The following STOX2 variants were observed in gnomAD, a reference collection of about 807,000 sequenced individuals.
STOX2 encodes the protein storkhead-box protein 2.
STOX2 carries 28 observed loss-of-function variants against 60.9 expected under a neutral mutation model. The ratio of observed to expected loss-of-function variants is 0.46; its 90% CI spans 0.34 to 0.63. STOX2 has a LOEUF of 0.63. Ranked by LOEUF, STOX2 falls within the 30% of genes least tolerant of loss-of-function variation. The probability of loss-of-function intolerance (pLI) is 0.01; values close to 1 mark genes in which losing one functional copy is unlikely to be tolerated. For synonymous variants in STOX2, 472 were observed against 463.9 expected (o/e 1.02, Z -0.22); for missense variants, 1,024 against 1,187.7 (o/e 0.86, Z 2.03).
intron 1 of STOX2, among the ~76,000 whole-genome samples, chr4:183,869,896 T>A (rs1740649203): frequency 6.6e-6 from 1 of 152,168 alleles, no homozygotes; most frequent in African/African-American, 2.4e-5. Context: ...TTGTACTGTA[T>A]TCTGGGCTTA....
chr4:183,944,550 C>G (rs1742836172), intron 1 of STOX2, among the ~76,000 whole-genome samples: 1 of 152,170 alleles, frequency 6.6e-6, no homozygotes, highest in Non-Finnish European at 1.5e-5. Flanking sequence ...CCCATCTTTA[C>G]TAAAGCTACA....
chr4:183,892,353 A>G (rs1741238519), intron 1 of STOX2, among the ~76,000 whole-genome samples: 3 of 152,150 alleles, frequency 2.0e-5, no homozygotes, highest in South Asian at 2.1e-4. Context: ...ATCTCGGCTC[A>G]CTGCAAGCTC....
chr4:183,930,223 T>C (rs867090512), intron 1 of STOX2, among the ~76,000 whole-genome samples: 5 of 151,176 alleles, frequency 3.3e-5, no homozygotes, highest in Admixed American at 1.3e-4. Context: ...TGGAGTGCAC[T>C]GGTACAGTCA....
chr4:183,966,365 A>G (rs1343178856), intron 1 of STOX2, among the ~76,000 whole-genome samples: 1 of 152,258 alleles, frequency 6.6e-6, no homozygotes, highest in African/African-American at 2.4e-5. Context: ...AATAATTTAC[A>G]CACAGTGAGT....
At chr4:183,970,138 A>ATGTG (rs1560911311) in intron 1 of STOX2, among the ~76,000 whole-genome samples, 5 of 39,844 alleles carry the variant, frequency 1.3e-4, no homozygotes, top group Middle Eastern at 0.026. Context: ...AACTACATGT[A>ATGTG]CGTGTGTGTG....
intron 1 of STOX2, among the ~76,000 whole-genome samples, chr4:183,855,670 G>C (rs1254225988): frequency 1.3e-5 from 2 of 152,180 alleles, no homozygotes; most frequent in East Asian, 3.8e-4. Flanking sequence ...GTGTATGTAA[G>C]CATCTTAAGG....
chr4:183,798,556 G>C, intron 1 of STOX2: 1 of 933,862 alleles, frequency 1.1e-6, no homozygotes, highest in Non-Finnish European at 1.3e-6. Context: ...GACGCGCCGG[G>C]AAGCTAGGGT....
At position 183,856,854 on chromosome 4, in the gene STOX2, C is replaced by T. The variant is rs1740297550; in HGVS notation, c.364+58799C>T. Among the ~76,000 whole-genome samples, 1 of 152,162 alleles carries T rather than the reference C, an allele frequency of 6.6e-6. No individual in the cohort carries two copies. Among genetic ancestry groups the T allele is most frequent in the African/African-American group, 2.4e-5 (1 of 41,442 alleles). ...TGACACTTACCCTATGGGACCAAAA[C>T]AGTCAGCTACCAAGTCTTATTGAGA... is the stretch of plus-strand genomic sequence containing the variant. On this transcript the variant is annotated intron_variant, in intron 1 of 2. Transcript: ENST00000513034. This position sits in a 1 kb window ranked among gnomAD's most constrained non-coding sequence, Gnocchi z 4.0.
intron 1 of STOX2, among the ~76,000 whole-genome samples, chr4:183,824,152 G>A (rs1739368694): frequency 3.3e-5 from 5 of 152,288 alleles, no homozygotes; most frequent in Admixed American, 6.5e-5. Flanking sequence ...CTCATAAACC[G>A]TCACCTACTT....
chr4:183,890,388 C>T (rs1170573559), intron 1 of STOX2, among the ~76,000 whole-genome samples: 2 of 149,662 alleles, frequency 1.3e-5, no homozygotes, highest in East Asian at 4.0e-4. Flanking sequence ...GAGGCCGAGG[C>T]GGGAGAATTG....
intron 1 of STOX2, among the ~76,000 whole-genome samples, chr4:183,932,702 T>C (rs1400055730): frequency 6.7e-6 from 1 of 148,998 alleles, no homozygotes; most frequent in Non-Finnish European, 1.5e-5. Context: ...GAATATGAAC[T>C]GTTCTGAGCC....
At chr4:183,944,322 T>C (rs2111133609) in intron 1 of STOX2, among the ~76,000 whole-genome samples, 1 of 152,346 alleles carries the variant, frequency 6.6e-6, no homozygotes, top group African/African-American at 2.4e-5. Context: ...CACGTGGTGC[T>C]GATATGTGAG....
intron 1 of STOX2, among the ~76,000 whole-genome samples, chr4:183,892,789 T>A (rs1180842081): frequency 6.6e-6 from 1 of 151,994 alleles, no homozygotes; most frequent in African/African-American, 2.4e-5. Flanking sequence ...TGTTCCAGAG[T>A]CTGAGTTTAG....
At chr4:183,840,998 G>A (rs1449736778) in intron 1 of STOX2, among the ~76,000 whole-genome samples, 1 of 152,236 alleles carries the variant, frequency 6.6e-6, no homozygotes, top group East Asian at 1.9e-4. Flanking sequence ...CTCCTGAGTA[G>A]CTGGGATTAC....
At chr4:183,802,887 C>T (rs778032048) in intron 1 of STOX2, among the ~76,000 whole-genome samples, 2 of 152,200 alleles carry the variant, frequency 1.3e-5, no homozygotes, top group Admixed American at 6.5e-5. Flanking sequence ...TTCCAAAGTG[C>T]TGGGGTTACA....
intron 1 of STOX2, among the ~76,000 whole-genome samples, chr4:183,986,627 G>A (rs947480169): frequency 9.2e-5 from 14 of 152,372 alleles, no homozygotes; most frequent in African/African-American, 3.4e-4. Context: ...AGCTGATCTG[G>A]GCACAGGGAC....
At chr4:183,854,943 TTAGAC>T (rs1464688046) in intron 1 of STOX2, among the ~76,000 whole-genome samples, 1 of 152,224 alleles carries the variant, frequency 6.6e-6, no homozygotes, top group African/African-American at 2.4e-5. Flanking sequence ...TCTTTGATAC[TTAGAC>T]TAGTGTCCCG....
intron 1 of STOX2, among the ~76,000 whole-genome samples, chr4:183,864,673 CAA>C (rs1424876284): frequency 6.6e-6 from 1 of 152,136 alleles, no homozygotes; most frequent in East Asian, 1.9e-4. Context: ...GGATTACAGA[CAA>C]GAGCCACTGC....
At chr4:183,964,696 C>T (rs916396317) in intron 1 of STOX2, among the ~76,000 whole-genome samples, 2 of 152,198 alleles carry the variant, frequency 1.3e-5, no homozygotes, top group Non-Finnish European at 2.9e-5. Flanking sequence ...GATTCTCCCA[C>T]CTCAGGCTCC....
Sources: gnomAD v4.1 joint callset for allele counts (sites outside exome capture counted in the v4.1 genomes callset) on GRCh38, gnomAD v4.1.1 for gene constraint, Gnocchi (gnomAD v3.1) non-coding constraint, MANE v1.5 for transcripts, NCBI Gene and HGNC (gene_info 2026-07-23, HGNC 2026-07-21) for gene names.